Variants in WWOX observed in about 807,000 individuals in gnomAD.
WWOX encodes the protein WW domain-containing oxidoreductase.
WWOX carries 69 observed loss-of-function variants against 46.2 expected under a neutral mutation model. The observed-to-expected ratio is 1.49, with a 90% CI of 1.23 to 1.82. WWOX has a LOEUF of 1.82. Among genes scored for constraint, WWOX ranks in the 40% most tolerant of loss-of-function variants. The pLI is 0.00. For missense variants in WWOX, 919 were observed against 542.6 expected, an observed-to-expected ratio of 1.69 and a Z score of -6.89; for synonymous variants, 359 against 202.6, an observed-to-expected ratio of 1.77 and a Z score of -6.56.
At chr16:79,181,906 C>T (rs1231325628) in intron 8 of WWOX, among the ~76,000 whole-genome samples, 1 of 152,150 alleles carries the variant, frequency 6.6e-6, no homozygotes, top group Non-Finnish European at 1.5e-5. Flanking sequence ...TGGGATAGAG[C>T]ATTGTTATTA....
At chr16:78,439,784 G>C (rs917000761) in intron 8 of WWOX, among the ~76,000 whole-genome samples, 1 of 152,184 alleles carries the variant, frequency 6.6e-6, no homozygotes, top group Non-Finnish European at 1.5e-5. Flanking sequence ...GGTTGTGTTT[G>C]GCTACTATAT....
intron 6 of WWOX, among the ~76,000 whole-genome samples, chr16:78,412,553 G>A (rs546746383): frequency 3.3e-5 from 5 of 152,268 alleles, no homozygotes; most frequent in Admixed American, 6.5e-5. Context: ...AGGAAGGGTT[G>A]GAGGAGACAA....
chr16:78,884,797 G>T (rs2044418967), intron 8 of WWOX, among the ~76,000 whole-genome samples: 1 of 152,036 alleles, frequency 6.6e-6, no homozygotes, highest in African/African-American at 2.4e-5. Context: ...GAATTTTTTT[G>T]CATGTATATT....
In WWOX at chr16:78,381,424, A is replaced by C. The variant is rs535425962; in HGVS notation, c.517-5436A>C. Among the ~76,000 whole-genome samples, 16 of 151,264 alleles carry C rather than the reference A, an allele frequency of 1.1e-4. No homozygotes were observed. The South Asian group carries it at 2.9e-3, about 27-fold the overall frequency. On this transcript the variant is annotated intron_variant, in intron 5 of 8. Coordinates refer to ENST00000566780, the MANE Select transcript of WWOX (RefSeq NM_016373.4). ...TATTCAAGGGAAATGGGAGACATGC[A>C]CCTGGGTTGTTTGATTATGACCTTC...
At chr16:79,072,377 C>G (rs2150567867) in intron 8 of WWOX, among the ~76,000 whole-genome samples, 1 of 152,256 alleles carries the variant, frequency 6.6e-6, no homozygotes, top group African/African-American at 2.4e-5. Flanking sequence ...AGTTGCACTG[C>G]CTCCCATAGG....
intron 8 of WWOX, among the ~76,000 whole-genome samples, chr16:78,940,859 A>G (rs2045838474): frequency 1.3e-5 from 2 of 151,972 alleles, no homozygotes; most frequent in South Asian, 4.2e-4. Flanking sequence ...CTTCATTCTA[A>G]TAAGTTGTAT....
intron 8 of WWOX, among the ~76,000 whole-genome samples, chr16:78,574,193 A>G (rs545784972): frequency 5.9e-5 from 9 of 152,316 alleles, no homozygotes; most frequent in South Asian, 2.1e-4. Flanking sequence ...AGCCAGCAAC[A>G]AGAGTTTCTG....
chr16:78,533,904 G>C (rs780856283), intron 8 of WWOX, among the ~76,000 whole-genome samples: 4 of 152,144 alleles, frequency 2.6e-5, no homozygotes, highest in Admixed American at 1.3e-4. Context: ...TGTCCATCTT[G>C]TTAACAGTTG....
intron 8 of WWOX, among the ~76,000 whole-genome samples, chr16:78,608,210 A>C (rs1200845102): frequency 6.6e-6 from 1 of 152,156 alleles, no homozygotes; most frequent in Non-Finnish European, 1.5e-5. Flanking sequence ...ACCATGCATG[A>C]GACAGAACAA....
chr16:78,989,001 C>G (rs952387347), intron 8 of WWOX, among the ~76,000 whole-genome samples: 4 of 152,180 alleles, frequency 2.6e-5, no homozygotes, highest in African/African-American at 4.8e-5. Context: ...AACCTGAGTT[C>G]TCTGTTAAAA....
intron 8 of WWOX, among the ~76,000 whole-genome samples, chr16:78,495,510 C>CTT (rs67618109): frequency 0.046 from 1,940 of 42,598 alleles, 19 homozygotes; most frequent in Non-Finnish European, 0.096. Flanking sequence ...AGAAAATGGT[C>CTT]TTTTTTTTTT....
chr16:79,015,599 A>C (rs1371263322), intron 8 of WWOX, among the ~76,000 whole-genome samples: 1 of 152,100 alleles, frequency 6.6e-6, no homozygotes, highest in Non-Finnish European at 1.5e-5. Flanking sequence ...GTTGGGTTCC[A>C]TATTCATATC....
intron 8 of WWOX, among the ~76,000 whole-genome samples, chr16:78,794,592 A>G (rs186635878): frequency 6.6e-6 from 1 of 152,330 alleles, no homozygotes; most frequent in East Asian, 1.9e-4. Flanking sequence ...TTGCTGTGAG[A>G]ATTAACTAAA....
At chr16:78,573,462 C>G (rs929638983) in intron 8 of WWOX, among the ~76,000 whole-genome samples, 1 of 152,180 alleles carries the variant, frequency 6.6e-6, no homozygotes, top group African/African-American at 2.4e-5. Context: ...TTTGAATTTT[C>G]CATACTCCAT....
At chr16:78,302,858 C>T (rs1359884148) in intron 5 of WWOX, among the ~76,000 whole-genome samples, 1 of 152,198 alleles carries the variant, frequency 6.6e-6, no homozygotes, top group Non-Finnish European at 1.5e-5. Flanking sequence ...TGGCTCCAAA[C>T]CTTTGGCTTT....
intron 5 of WWOX, among the ~76,000 whole-genome samples, chr16:78,176,062 C>A (rs773329078): frequency 6.6e-6 from 1 of 152,180 alleles, no homozygotes; most frequent in Non-Finnish European, 1.5e-5. Flanking sequence ...TGCTGCCCAT[C>A]CCATTTCTGC....
At chr16:78,557,275 T>C (rs1034042626) in intron 8 of WWOX, among the ~76,000 whole-genome samples, 1 of 152,144 alleles carries the variant, frequency 6.6e-6, no homozygotes, top group Non-Finnish European at 1.5e-5. Context: ...TATGATCACA[T>C]AGACATTTGG....
intron 8 of WWOX, among the ~76,000 whole-genome samples, chr16:78,844,219 T>G (rs528741699): frequency 2.0e-5 from 3 of 152,292 alleles, no homozygotes; most frequent in South Asian, 4.2e-4. Flanking sequence ...CAGAGTTTAG[T>G]TGTGCTATTC....
chr16:78,745,522 C>CTTTTTTTTTTTTTTTT (rs5818168), intron 8 of WWOX, among the ~76,000 whole-genome samples: 4 of 92,748 alleles, frequency 4.3e-5, no homozygotes, highest in Admixed American at 1.2e-4. Flanking sequence ...TGTGGAAATC[C>CTTTTTTTTTTTTTTTT]TTTTTTTTTT....
Sources: gnomAD v4.1 joint callset for allele counts (sites outside exome capture counted in the v4.1 genomes callset) on GRCh38, gnomAD v4.1.1 for gene constraint, MANE v1.5 for transcripts, NCBI Gene and HGNC (gene_info 2026-07-23, HGNC 2026-07-21) for gene names.